The following LEMD1 variants were observed in gnomAD, a reference collection of about 807,000 sequenced individuals.
LEMD1 encodes LEM domain-containing protein 1.
A neutral mutation model predicts 17.4 loss-of-function variants in LEMD1; 18 were observed. That is an observed-to-expected ratio of 1.04 (90% CI 0.72 to 1.54). LEMD1 has a LOEUF of 1.54. Ranked by LOEUF, LEMD1 falls within the 40% of genes most tolerant of loss-of-function variation. LEMD1 has a pLI of 0.00. For synonymous variants in LEMD1, 88 were observed against 77.8 expected, an observed-to-expected ratio of 1.13 and a Z score of -0.69; for missense variants, 195 against 210.4, an observed-to-expected ratio of 0.93 and a Z score of 0.45.
At chr1:205,397,483 C>T (rs917897858) in intron 4 of LEMD1, among the ~76,000 whole-genome samples, 4 of 152,196 alleles carry the variant, frequency 2.6e-5, no homozygotes, top group African/African-American at 9.7e-5. Context: ...GTGGCACACA[C>T]CTGTAGTCTT....
rs1291750813 is a variant in LEMD1, at chr1:205,381,772, G to T, written c.432C>A (p.Ile144=). ...GGAAACCTTCTTCTCTCCAGCTCTCGATAGTCTGGTCTTCCGCGCAGTAGT... is the reference window on the plus strand; with the variant it reads ...GGAAACCTTCTTCTCTCCAGCTCTCTATAGTCTGGTCTTCCGCGCAGTAGT... ...ERDYCAEDQT[I]ESWREEGFPV... Residue 144 remains isoleucine (I), a synonymous_variant, in exon 6 of 6, where the codon ATC becomes ATA. Transcript: ENST00000367153. 2 of 1,614,146 alleles carry T rather than the reference G, an allele frequency of 1.2e-6. No homozygotes were observed. The highest frequency in any genetic ancestry group is 8.5e-7 in the Non-Finnish European group (1 of 1,180,008).
chr1:205,405,902 T>C (rs1467459956), intron 4 of LEMD1, among the ~76,000 whole-genome samples: 2 of 152,268 alleles, frequency 1.3e-5, no homozygotes, highest in African/African-American at 4.8e-5. Flanking sequence ...CCTTTCTGTT[T>C]GTTAGTTTTC....
At chr1:205,390,776 G>A (rs1000924269) in intron 4 of LEMD1, among the ~76,000 whole-genome samples, 2 of 152,260 alleles carry the variant, frequency 1.3e-5, no homozygotes, top group Non-Finnish European at 2.9e-5. Flanking sequence ...GCTAACAAAA[G>A]ATGAGCATAT....
chr1:205,384,287 C>G lies in LEMD1; in HGVS notation c.347+1G>C. The G allele has an allele frequency of 1.3e-6, 2 of 1,485,804 alleles. No individual in the cohort carries two copies. Among genetic ancestry groups the G allele is most frequent in the Non-Finnish European group, 1.8e-6 (2 of 1,116,244 alleles). The allele number at this position is 1,485,804 out of a possible 1,614,324, so 92.0% of individuals were successfully genotyped here. A position where few individuals can be genotyped will look rare whatever the true frequency, so the allele number is the denominator to read the frequency against. On this transcript the variant is annotated splice_donor_variant, in intron 5 of 5. Transcript: ENST00000367153. LOFTEE classifies it high-confidence loss of function. ...CCACATATGCTAAAAAACATCATTA[C>G]CTTCTTCCCTTGGAAGGCTTATAAT... is the stretch of plus-strand genomic sequence containing the variant.
intron 4 of LEMD1, among the ~76,000 whole-genome samples, chr1:205,405,494 C>T (rs894057868): frequency 1.1e-4 from 16 of 143,888 alleles, no homozygotes; most frequent in Admixed American, 1.0e-3. Context: ...TTGATCGCAT[C>T]GGCTCCTGAG....
chr1:205,440,172 G>A (rs1666269540), intron 1 of LEMD1, among the ~76,000 whole-genome samples: 1 of 152,224 alleles, frequency 6.6e-6, no homozygotes, highest in Admixed American at 6.5e-5. Flanking sequence ...CAGTCCCTGA[G>A]GAGGGGAGTC....
At chr1:205,397,516 A>G (rs1189380083) in intron 4 of LEMD1, among the ~76,000 whole-genome samples, 1 of 152,226 alleles carries the variant, frequency 6.6e-6, no homozygotes, top group Non-Finnish European at 1.5e-5. Flanking sequence ...GTCTGAGCCC[A>G]GGAGGTCGAG....
At chr1:205,412,823 T>C (rs1665513199) in intron 4 of LEMD1, among the ~76,000 whole-genome samples, 1 of 152,198 alleles carries the variant, frequency 6.6e-6, no homozygotes, top group Non-Finnish European at 1.5e-5. Flanking sequence ...TGGTTTTATT[T>C]CAGGTTTATG....
chr1:205,398,885 G>A (rs546541535), intron 4 of LEMD1, among the ~76,000 whole-genome samples: 11 of 152,132 alleles, frequency 7.2e-5, no homozygotes, highest in Non-Finnish European at 1.3e-4. Flanking sequence ...GAAGAAAGTG[G>A]TTATTGTGAC....
intron 5 of LEMD1, among the ~76,000 whole-genome samples, chr1:205,384,071 G>A (rs1663867853): frequency 6.6e-6 from 1 of 150,764 alleles, no homozygotes; most frequent in Admixed American, 6.6e-5. Context: ...CTTTTGCCCT[G>A]TCTTCCCAGT....
intron 4 of LEMD1, among the ~76,000 whole-genome samples, chr1:205,400,779 A>G (rs1664804498): frequency 6.6e-6 from 1 of 151,034 alleles, no homozygotes; most frequent in South Asian, 2.1e-4. Context: ...TACATGTGCC[A>G]TGCTGGTGTG....
chr1:205,388,976 C>T (rs1664186729), intron 4 of LEMD1, among the ~76,000 whole-genome samples: 1 of 150,218 alleles, frequency 6.7e-6, no homozygotes, highest in Non-Finnish European at 1.5e-5. Flanking sequence ...ACATCCAGAG[C>T]CAGAAAGAAC....
intron 4 of LEMD1, among the ~76,000 whole-genome samples, chr1:205,389,757 C>T (rs1664239890): frequency 6.6e-6 from 1 of 152,176 alleles, no homozygotes; most frequent in South Asian, 2.1e-4. Context: ...AAGTTATGAC[C>T]TGATTACAGG....
At chr1:205,418,132 G>A (rs1239665201) in intron 3 of LEMD1, among the ~76,000 whole-genome samples, 1 of 152,150 alleles carries the variant, frequency 6.6e-6, no homozygotes, top group Non-Finnish European at 1.5e-5. Context: ...CAGTCACTTG[G>A]CCTCTCTGAG....
chr1:205,414,308 C>T (rs933463880), intron 4 of LEMD1, among the ~76,000 whole-genome samples: 33 of 151,654 alleles, frequency 2.2e-4, no homozygotes, highest in Middle Eastern at 3.4e-3. Flanking sequence ...GGAGGCCGGG[C>T]AAGGTGGCTG....
chr1:205,423,895 G>A (rs1015005899), upstream of LEMD1, among the ~76,000 whole-genome samples: 1 of 152,172 alleles, frequency 6.6e-6, no homozygotes, highest in Non-Finnish European at 1.5e-5. Context: ...AACCCTGAGA[G>A]CTTCCTCCTT....
At chr1:205,384,685 G>C (rs1332667224) in intron 4 of LEMD1, among the ~76,000 whole-genome samples, 1 of 152,058 alleles carries the variant, frequency 6.6e-6, no homozygotes, top group Non-Finnish European at 1.5e-5. Flanking sequence ...TTATTGCTTG[G>C]AGCTCTTTTT....
intron 1 of LEMD1, among the ~76,000 whole-genome samples, chr1:205,439,535 G>T (rs1253308400): frequency 6.6e-6 from 1 of 152,232 alleles, no homozygotes; most frequent in Non-Finnish European, 1.5e-5. Context: ...ACCAGCCGAG[G>T]AAGACTTTTG....
At chr1:205,429,835 C>T (rs1056677611) in intron 1 of LEMD1, among the ~76,000 whole-genome samples, 10 of 152,080 alleles carry the variant, frequency 6.6e-5, no homozygotes, top group Admixed American at 5.9e-4. Flanking sequence ...GGAATGAATC[C>T]TGGACAGCAG....
Sources: allele counts gnomAD v4.1 joint callset (sites outside exome capture counted in the v4.1 genomes callset), GRCh38; gene constraint gnomAD v4.1.1; transcripts MANE v1.5; gene names NCBI Gene and HGNC (gene_info 2026-07-23, HGNC 2026-07-21).